Variants in BIN3 observed in about 807,000 individuals in gnomAD.
BIN3 encodes bridging integrator 3.
A neutral mutation model predicts 38.2 loss-of-function variants in BIN3; 41 were observed. That is an observed-to-expected ratio of 1.07 (90% CI 0.84 to 1.39). The LOEUF (loss-of-function observed/expected upper bound fraction) is 1.39, where lower values mean the gene tolerates loss of function less well. Ranked by LOEUF, BIN3 falls within the 40% of genes most tolerant of loss-of-function variation. The pLI is 0.00. For synonymous variants in BIN3, 145 were observed against 122.6 expected (o/e 1.18, Z -1.21); for missense variants, 361 against 324.3 (o/e 1.11, Z -0.87).
chr8:22,625,285 C>T (rs1199006143), intron 6 of BIN3: 2 of 701,676 alleles, frequency 2.9e-6, no homozygotes, highest in Non-Finnish European at 5.2e-6. Context: ...GCCCTCGGTG[C>T]AATGGCAGGG....
chr8:22,632,047 A>G (rs1039170887), intron 4 of BIN3, among the ~76,000 whole-genome samples: 18 of 152,234 alleles, frequency 1.2e-4, no homozygotes, highest in African/African-American at 4.3e-4. Context: ...TACCATATGC[A>G]TGTTACTGAA....
intron 1 of BIN3, 28 bp downstream of exon 1, chr8:22,669,016 C>G: frequency 6.4e-7 from 1 of 1,570,966 alleles, no homozygotes; most frequent in South Asian, 1.2e-5. Flanking sequence ...GCGGGTCCAG[C>G]AGCTCCCGCC....
intron 1 of BIN3, among the ~76,000 whole-genome samples, chr8:22,650,873 T>C (rs1802870037): frequency 6.6e-6 from 1 of 151,262 alleles, no homozygotes; most frequent in Non-Finnish European, 1.5e-5. Flanking sequence ...CTTGCAGCTC[T>C]TCTTCTCAAT....
At chr8:22,663,492 G>A (rs1349378352) in intron 1 of BIN3, among the ~76,000 whole-genome samples, 1 of 150,736 alleles carries the variant, frequency 6.6e-6, no homozygotes, top group Non-Finnish European at 1.5e-5. Flanking sequence ...AGCATCCTTG[G>A]CTCCATTTTT....
At position 22,621,510 on chromosome 8, in the gene BIN3, T is replaced by C; in HGVS notation, c.674A>G (p.Gln225Arg). ...CCGCTGCTCATCGGAGTGGCCTGGC[T>C]GGTCAAGCTGATGGGACAGGTCTCC... ...IFGDLSHQLD[Q>R]PGHSDEQRER... Residue 225 changes from glutamine (Q) to arginine (R), a missense_variant, in exon 9 of 9, where the codon CAG becomes CGG. Transcript: ENST00000276416. 6.2e-7 allele frequency: 1 copy of C among 1,613,914 alleles called. No individual in the cohort carries two copies.
intron 8 of BIN3, 114 bp downstream of exon 8, chr8:22,623,801 G>T (rs1204922572): frequency 3.0e-6 from 4 of 1,324,694 alleles, no homozygotes; most frequent in African/African-American, 1.5e-5. Flanking sequence ...CTTTGCCTGG[G>T]GTGGGTGCCC....
At chr8:22,624,817 T>C (rs1260611848) in intron 6 of BIN3, 11 of 190,738 alleles carry the variant, frequency 5.8e-5, no homozygotes, top group Admixed American at 1.1e-4. Flanking sequence ...GGAGGGAAAC[T>C]GAGGACAGAG....
intron 1 of BIN3, among the ~76,000 whole-genome samples, chr8:22,657,765 T>C (rs1585203226): frequency 6.6e-6 from 1 of 152,264 alleles, no homozygotes; most frequent in South Asian, 2.1e-4. Context: ...CAGGCTCTTG[T>C]ACCTCTTCTT....
At chr8:22,664,348 C>G (rs1803342735) in intron 1 of BIN3, among the ~76,000 whole-genome samples, 1 of 152,216 alleles carries the variant, frequency 6.6e-6, no homozygotes, top group Admixed American at 6.5e-5. Context: ...ATCTCACAGA[C>G]ATTTTATAGG....
chr8:22,654,423 T>A (rs1802996472), intron 1 of BIN3, among the ~76,000 whole-genome samples: 1 of 152,206 alleles, frequency 6.6e-6, no homozygotes, highest in Non-Finnish European at 1.5e-5. Context: ...TGTGCAAAAA[T>A]CACTGCTATC....
At chr8:22,659,111 G>A (rs554479185) in intron 1 of BIN3, among the ~76,000 whole-genome samples, 95 of 152,372 alleles carry the variant, frequency 6.2e-4, no homozygotes, top group Admixed American at 2.2e-3. Context: ...ATCTAGGTCC[G>A]GCAGAACAGC....
At chr8:22,660,125 T>C (rs575458747) in intron 1 of BIN3, among the ~76,000 whole-genome samples, 1 of 152,294 alleles carries the variant, frequency 6.6e-6, no homozygotes, top group South Asian at 2.1e-4. Flanking sequence ...TGAAAGGATT[T>C]TGACAAAAGT....
At chr8:22,628,024 A>C (rs1220473558) in intron 6 of BIN3, among the ~76,000 whole-genome samples, 2 of 152,182 alleles carry the variant, frequency 1.3e-5, no homozygotes, top group African/African-American at 4.8e-5. Flanking sequence ...GCTCAATATC[A>C]AACTCACTCC....
chr8:22,633,024 C>T (rs1802256514), intron 4 of BIN3, among the ~76,000 whole-genome samples: 1 of 152,148 alleles, frequency 6.6e-6, no homozygotes, highest in African/African-American at 2.4e-5. Flanking sequence ...GCATTTTCCC[C>T]TTTCTTTCCT....
At chr8:22,645,275 G>C (rs1165843811) in intron 1 of BIN3, among the ~76,000 whole-genome samples, 2 of 151,720 alleles carry the variant, frequency 1.3e-5, no homozygotes, top group Non-Finnish European at 2.9e-5. Flanking sequence ...GACTAGACTG[G>C]GCAATATAGC....
intron 8 of BIN3, among the ~76,000 whole-genome samples, chr8:22,622,318 T>C (rs1585173772): frequency 1.3e-5 from 2 of 152,360 alleles, no homozygotes; most frequent in African/African-American, 4.8e-5. Flanking sequence ...CGTTTCACTC[T>C]AGACATGAGG....
chr8:22,640,191 T>C lies in BIN3; in HGVS notation c.58-3229A>G, dbSNP rs2117545859. Among the ~76,000 whole-genome samples the C allele has an allele frequency of 4.0e-5, 6 of 151,878 alleles. No individual in the cohort carries two copies. In the Middle Eastern group the frequency reaches 0.014, roughly 344 times the overall value. On this transcript the variant is annotated intron_variant, in intron 2 of 8. Transcript: ENST00000276416. ...TGGACACATCCTTCTTCTTCTTTTT[T>C]TTTTGAGACAGAGTCTCACTCTGTC...
chr8:22,636,199 C>G (rs1227409805), intron 4 of BIN3, among the ~76,000 whole-genome samples: 3 of 152,236 alleles, frequency 2.0e-5, no homozygotes, highest in African/African-American at 7.2e-5. Flanking sequence ...GCTTCCCTTT[C>G]CCTCTGGACA....
chr8:22,634,591 T>C (rs547227197), intron 4 of BIN3: 124 of 454,284 alleles, frequency 2.7e-4, no homozygotes, highest in African/African-American at 2.4e-3. Flanking sequence ...GTTTTCCTCG[T>C]AACTGCAGTA....
Sources: allele counts gnomAD v4.1 joint callset (sites outside exome capture counted in the v4.1 genomes callset), GRCh38; gene constraint gnomAD v4.1.1; transcripts MANE v1.5; gene names NCBI Gene and HGNC (gene_info 2026-07-23, HGNC 2026-07-21).